Variants in COL22A1 observed in about 807,000 individuals in gnomAD.
The protein encoded by COL22A1 is collagen type XXII alpha 1 chain, also known as collagen alpha-1(XXII) chain.
COL22A1 carries 221 observed loss-of-function variants against 248.9 expected under a neutral mutation model. The ratio of observed to expected loss-of-function variants is 0.89; its 90% confidence interval spans 0.80 to 0.99. The LOEUF is 0.99. COL22A1 is among the 50% of genes least tolerant of loss of function. COL22A1 has a pLI of 0.00. For synonymous variants in COL22A1, 891 were observed against 793.4 expected, an observed-to-expected ratio of 1.12 and a Z score of -2.07; for missense variants, 2,240 against 2,179.0, an observed-to-expected ratio of 1.03 and a Z score of -0.56.
At position 138,780,987 on chromosome 8, in the gene COL22A1, C is replaced by T; in HGVS notation, c.1597-7G>A. On this transcript the variant is annotated splice_region_variant and splice_polypyrimidine_tract_variant and intron_variant, in intron 12 of 64. Transcript: ENST00000303045. The stretch of plus-strand genomic sequence containing the variant: ...CGGGCAGGCCCAGGGAACCCTAAAG[C>T]CAAAAAAAGAGAATAGCAATTAGTA... 6.3e-7 allele frequency: 1 copy of T among 1,586,990 alleles called. No individual in the cohort carries two copies. The highest frequency in any genetic ancestry group is 1.1e-5 in the South Asian group (1 of 87,152).
intron 60 of COL22A1, among the ~76,000 whole-genome samples, chr8:138,599,480 AAAAACAAAACAAAAC>A (rs533464962): frequency 6.6e-6 from 1 of 152,106 alleles, no homozygotes; most frequent in Non-Finnish European, 1.5e-5. Flanking sequence ...CTCTGTCTCA[AAAAACAAAACAAAAC>A]AAAACAAAAC....
chr8:138,898,959 A>G (rs1341337211), intron 1 of COL22A1, among the ~76,000 whole-genome samples: 1 of 152,196 alleles, frequency 6.6e-6, no homozygotes, highest in East Asian at 1.9e-4. Context: ...ATACGTTGTC[A>G]CAGATTATTT....
chr8:138,643,647 T>TAGATAGATAGACAGAC (rs568597361), intron 47 of COL22A1, among the ~76,000 whole-genome samples: 9 of 26,612 alleles, frequency 3.4e-4, no homozygotes, highest in African/African-American at 5.3e-4. Flanking sequence ...GATAGATAGA[T>TAGATAGATAGACAGAC]AGACAGATAG....
intron 1 of COL22A1, among the ~76,000 whole-genome samples, chr8:138,906,835 TAG>T (rs984676475): frequency 6.0e-4 from 92 of 152,268 alleles, no homozygotes; most frequent in Non-Finnish European, 4.7e-4. Context: ...GTATTTTTAG[TAG>T]AGACACGGTT....
chr8:138,849,838 G>T (rs1038587824), intron 3 of COL22A1, among the ~76,000 whole-genome samples: 1 of 151,928 alleles, frequency 6.6e-6, no homozygotes, highest in Non-Finnish European at 1.5e-5. Context: ...TCAGATGTAG[G>T]CATCTGAGCT....
intron 14 of COL22A1, among the ~76,000 whole-genome samples, chr8:138,778,998 C>T (rs2131514537): frequency 6.6e-6 from 1 of 152,284 alleles, no homozygotes; most frequent in South Asian, 2.1e-4. Flanking sequence ...AAGGGTATCC[C>T]AATTTTTAAT....
intron 41 of COL22A1, among the ~76,000 whole-genome samples, chr8:138,665,638 TCA>T (rs1824439701): frequency 6.6e-6 from 1 of 152,148 alleles, no homozygotes; most frequent in Non-Finnish European, 1.5e-5. Flanking sequence ...TAAAGGATCT[TCA>T]CAGATAGATT....
At chr8:138,652,735 G>GTTTTTTTGTTTTTTT (rs1822859160) in intron 45 of COL22A1, among the ~76,000 whole-genome samples, 1 of 54,244 alleles carries the variant, frequency 1.8e-5, no homozygotes, top group East Asian at 8.3e-4. Flanking sequence ...TCCTTTTCTG[G>GTTTTTTTGTTTTTTT]TTTTTTTTTT....
chr8:138,643,651 C>CAGACAGACAGAT (rs1554728513), intron 47 of COL22A1, among the ~76,000 whole-genome samples: 4 of 146,552 alleles, frequency 2.7e-5, no homozygotes, highest in African/African-American at 1.1e-4. Context: ...GATAGATAGA[C>CAGACAGACAGAT]AGATAGATAG....
At chr8:138,891,206 T>C (rs907678471) in intron 1 of COL22A1, among the ~76,000 whole-genome samples, 1 of 152,184 alleles carries the variant, frequency 6.6e-6, no homozygotes, top group Non-Finnish European at 1.5e-5. Flanking sequence ...AAGACCTAAA[T>C]AAGAAGAAAG....
intron 20 of COL22A1, 46 bp from the exon 21 acceptor site, chr8:138,755,256 A>G: frequency 6.3e-7 from 1 of 1,584,320 alleles, no homozygotes; most frequent in Non-Finnish European, 8.7e-7. Flanking sequence ...CTTTTCCCCC[A>G]TATGATCAGG....
At chr8:138,844,906 C>T (rs1218750922) in intron 3 of COL22A1, among the ~76,000 whole-genome samples, 6 of 142,242 alleles carry the variant, frequency 4.2e-5, no homozygotes, top group Admixed American at 2.9e-4. Flanking sequence ...GCTGAGATCA[C>T]GTGGCTGCAC....
At chr8:138,891,781 A>T (rs532199519) in intron 1 of COL22A1, among the ~76,000 whole-genome samples, 1 of 152,340 alleles carries the variant, frequency 6.6e-6, no homozygotes, top group Non-Finnish European at 1.5e-5. Flanking sequence ...AAAAAAGCAA[A>T]GGATATAGTC....
At chr8:138,777,886 C>T (rs1402016111) in intron 15 of COL22A1, 2 of 174,212 alleles carry the variant, frequency 1.1e-5, no homozygotes. Context: ...CGAGAAGCTA[C>T]TTTGTTCCTC....
chr8:138,649,584 G>A, intron 46 of COL22A1, 81 bp downstream of exon 46: 1 of 1,544,342 alleles, frequency 6.5e-7, no homozygotes, highest in Non-Finnish European at 8.7e-7. Flanking sequence ...CACCTTCAGA[G>A]GCAGATGGGG....
chr8:138,733,127 C>T (rs1830832345), intron 23 of COL22A1, among the ~76,000 whole-genome samples: 1 of 152,184 alleles, frequency 6.6e-6, no homozygotes, highest in African/African-American at 2.4e-5. Context: ...CTTCTCGGGC[C>T]AAGCCCTCCC....
At chr8:138,913,188 C>T (rs1339655208) in intron 1 of COL22A1, among the ~76,000 whole-genome samples, 1 of 151,998 alleles carries the variant, frequency 6.6e-6, no homozygotes, top group African/African-American at 2.4e-5. Flanking sequence ...CCCCCTGCTC[C>T]ATTTCCCCCG....
chr8:138,739,254 C>T (rs1028348984), intron 22 of COL22A1, among the ~76,000 whole-genome samples: 16 of 152,276 alleles, frequency 1.1e-4, no homozygotes, highest in Middle Eastern at 3.4e-3. Context: ...TTTTTTCCCA[C>T]CTCCAGCCAC....
rs575175811 is a variant in COL22A1, at chr8:138,804,615, G to A, written c.1495-1681C>T. On this transcript the variant is annotated intron_variant, in intron 10 of 64. Transcript: ENST00000303045. ...AAACCCCTGCCATCCTCCTCACAGC[G>A]ACCAGCTGGCACCTGGGCTGAGCCG... 1.5e-3 allele frequency among the ~76,000 whole-genome samples: 227 copies of A among 152,296 alleles called. 1 individual carries two copies. Among genetic ancestry groups the A allele is most frequent in the African/African-American group, 5.4e-3 (223 of 41,564 alleles).
Sources: gnomAD v4.1 joint callset for allele counts (sites outside exome capture counted in the v4.1 genomes callset) on GRCh38, gnomAD v4.1.1 for gene constraint, MANE v1.5 for transcripts, NCBI Gene and HGNC (gene_info 2026-07-23, HGNC 2026-07-21) for gene names.